Variants in AKAP9 observed in about 807,000 individuals in gnomAD.
AKAP9 encodes A-kinase anchoring protein 9, also known as A-kinase anchor protein 9.
A neutral mutation model predicts 488.5 loss-of-function variants in AKAP9; 311 were observed. That is an observed-to-expected ratio of 0.64 (90% CI 0.58 to 0.70). AKAP9 has a LOEUF of 0.70. Among genes scored for constraint, AKAP9 ranks in the 30% least tolerant of loss-of-function variants. The pLI, the probability that AKAP9 is intolerant of heterozygous loss-of-function variation, is 0.00. For missense variants in AKAP9, 4,215 were observed against 4,374.5 expected (o/e 0.96, Z 1.03); for synonymous variants, 1,462 against 1,483.5 (o/e 0.99, Z 0.33).
In AKAP9 at chr7:92,002,798, G is replaced by C; in HGVS notation, c.2881G>C (p.Asp961His). The change falls in exon 8 of 50, where the codon GAT becomes CAT. Residue 961 changes from aspartate (D) to histidine (H), a missense_variant. Transcript: ENST00000356239. ...EKLELSQRLSDLSEQLKQKHG... is the reference protein window; with the variant it reads ...EKLELSQRLSHLSEQLKQKHG... ...ATTAGAGCTGTCACAGAGACTGTCTGATCTTTCTGAACAATTGAAACAGAA... is the reference window on the plus strand; with the variant it reads ...ATTAGAGCTGTCACAGAGACTGTCTCATCTTTCTGAACAATTGAAACAGAA... The C allele has an allele frequency of 6.2e-7, 1 of 1,613,620 alleles. No homozygotes were observed. Among genetic ancestry groups the C allele is most frequent in the Non-Finnish European group, 8.5e-7 (1 of 1,179,680 alleles).
At chr7:92,082,929 T>A (rs1813839103) in intron 32 of AKAP9, among the ~76,000 whole-genome samples, 1 of 152,204 alleles carries the variant, frequency 6.6e-6, no homozygotes, top group South Asian at 2.1e-4. Flanking sequence ...GAACTGTATA[T>A]CCCATGAGAA....
intron 21 of AKAP9, among the ~76,000 whole-genome samples, chr7:92,049,170 T>C (rs955822733): frequency 6.6e-6 from 1 of 152,126 alleles, no homozygotes; most frequent in Admixed American, 6.5e-5. Flanking sequence ...TTTACTATGT[T>C]TTAAGACATA....
intron 16 of AKAP9, among the ~76,000 whole-genome samples, chr7:92,036,496 C>T (rs905383195): frequency 4.6e-5 from 7 of 151,992 alleles, no homozygotes; most frequent in African/African-American, 1.7e-4. Context: ...TATTATAATT[C>T]ATTGATCATC....
rs1160912346 is a variant in AKAP9 at position 92,014,406 on chromosome 7, T to A, written c.3612+78T>A. On this transcript the variant is annotated intron_variant, in intron 10 of 49. Coordinates refer to ENST00000356239, the MANE Select transcript of AKAP9 (RefSeq NM_005751.5). The stretch of plus-strand genomic sequence containing the variant: ...ATCCCAGCACTTTGGGAGGCTGAGG[T>A]GGTCAGATCACTTGAGTTCGAGACC... 9 of 1,059,490 alleles carry A rather than the reference T, an allele frequency of 8.5e-6. No individual in the cohort carries two copies. In the East Asian group the frequency reaches 2.3e-4, roughly 27 times the overall value. The allele number at this position is 1,059,490 out of a possible 1,614,324, so 65.6% of individuals were successfully genotyped here. A position where few individuals can be genotyped will look rare whatever the true frequency, so the allele number is the denominator to read the frequency against.
Position 92,012,535 on chromosome 7 carries a change from C to T in AKAP9, c.3425C>T (p.Ala1142Val), listed in dbSNP as rs1238092488. 7.4e-6 allele frequency: 12 copies of T among 1,613,900 alleles called. No homozygotes were observed. Among genetic ancestry groups the T allele is most frequent in the Non-Finnish European group, 1.0e-5 (12 of 1,179,868 alleles). ...TATATGGAAAATGAAAAAGATAAAG[C>T]TCTTTGCAGTCTTAAAGAAGAGCTT... ...REYMENEKDK[A>V]LCSLKEELIF... Residue 1142 changes from alanine (A) to valine (V), a missense_variant, in exon 9 of 50, where the codon GCT becomes GTT. Ala to Val is a moderately conservative substitution (Grantham distance 64). Around this residue, in one of 5 missense-constraint regions of AKAP9, gnomAD observed 2,361 missense variants for 2,430.0 expected, o/e 0.97. Transcript: ENST00000356239.
rs1054556530 is a variant in AKAP9, at chr7:92,002,609, G to A, written c.2692G>A (p.Glu898Lys). 6.2e-7 allele frequency: 1 copy of A among 1,611,112 alleles called. No homozygotes were observed. Among genetic ancestry groups the A allele is most frequent in the African/African-American group, 1.3e-5 (1 of 74,756 alleles). Residue 898 changes from glutamate to lysine, a missense_variant, in exon 8 of 50, where the codon GAA becomes AAA. Coordinates refer to ENST00000356239, the MANE Select transcript of AKAP9 (RefSeq NM_005751.5). ...EYKSKLKALN[E>K]ELHLQRINPT... ...TAAAAGTAAACTTAAAGCACTTAAT[G>A]AAGAGCTTCATTTGCAAAGAATAAA...
intron 26 of AKAP9, 73 bp from the exon 27 acceptor site, chr7:92,069,957 G>A (rs956448897): frequency 1.2e-5 from 16 of 1,340,966 alleles, no homozygotes; most frequent in African/African-American, 8.8e-5. Flanking sequence ...CCAAAATGAG[G>A]GATAACTCAA....
intron 12 of AKAP9, among the ~76,000 whole-genome samples, chr7:92,018,754 A>C (rs1408574198): frequency 6.6e-6 from 1 of 152,026 alleles, no homozygotes; most frequent in Non-Finnish European, 1.5e-5. Context: ...AGGGATCTTT[A>C]TTTGATCCTC....
In AKAP9 at chr7:92,085,657, A is replaced by G. The variant is rs886062478; in HGVS notation, c.8995A>G (p.Thr2999Ala). ...AATCTCATCTCTAAAGGATTTAATT[A>G]CAAAGATGCAACTGCAAAGAGAAGC... ...NTISSLKDLI[T>A]KMQLQREAEV... Residue 2999 changes from threonine (T) to alanine (A), a missense_variant, in exon 36 of 50, where the codon ACA (threonine) becomes GCA (alanine). Physicochemically the swap from Thr to Ala is moderately conservative, Grantham distance 58 (BLOSUM62 0). Transcript: ENST00000356239. 2.5e-6 allele frequency: 4 copies of G among 1,613,460 alleles called. No individual in the cohort carries two copies. Among genetic ancestry groups the G allele is most frequent in the Admixed American group, 3.3e-5 (2 of 59,950 alleles).
chr7:92,110,127 A>G lies in AKAP9; in HGVS notation c.11692A>G (p.Thr3898Ala), dbSNP rs749124089. The change falls in exon 50 of 50, where the codon ACT (threonine) becomes GCT (alanine). Residue 3898 changes from threonine to alanine, a missense_variant. Coordinates refer to ENST00000356239, the MANE Select transcript of AKAP9 (RefSeq NM_005751.5). ...TTCCTGTTTTTCTCTCATAGGTTCA[A>G]CTACTCAATTTCATGCTGGCATGAG... ...RRLGTIQSGS[T>A]TQFHAGMRR 1 of 1,601,374 alleles carries G rather than the reference A, an allele frequency of 6.2e-7. No homozygotes were observed. The highest frequency in any genetic ancestry group is 1.1e-5 in the South Asian group (1 of 89,534).
intron 8 of AKAP9, among the ~76,000 whole-genome samples, chr7:92,010,167 A>G (rs1265371966): frequency 6.6e-6 from 1 of 152,234 alleles, no homozygotes; most frequent in Non-Finnish European, 1.5e-5. Context: ...TAGGAAATAG[A>G]CACAAACCTT....
Position 92,002,275 on chromosome 7 carries a change from C to G in AKAP9, c.2358C>G (p.Thr786=), listed in dbSNP as rs777886361. The G allele has an allele frequency of 6.2e-7, 1 of 1,609,424 alleles. No homozygotes were observed. The highest frequency in any genetic ancestry group is 8.5e-7 in the Non-Finnish European group (1 of 1,178,354). Residue 786 remains threonine, a synonymous_variant, in exon 8 of 50, where the codon ACC becomes ACG. Coordinates refer to ENST00000356239, the MANE Select transcript of AKAP9 (RefSeq NM_005751.5). ...ENSILKDEKK[T]LEDMLKIHTP... is the part of the protein sequence containing the mutation. ...GCATTCTTAAAGATGAAAAGAAAAC[C>G]CTTGAAGACATGTTGAAAATACATA...
intron 46 of AKAP9, among the ~76,000 whole-genome samples, chr7:92,104,443 G>A (rs867915538): frequency 7.9e-5 from 12 of 151,938 alleles, no homozygotes; most frequent in Non-Finnish European, 1.0e-4. Flanking sequence ...CGCCCGCCTC[G>A]GCCTCCGAAA....
Position 92,045,116 on chromosome 7 carries a change from A to G in AKAP9, c.5271A>G (p.Leu1757=), listed in dbSNP as rs752178666. The change falls in exon 21 of 50, where the codon CTA becomes CTG. Residue 1757 remains leucine, a synonymous_variant. Transcript: ENST00000356239. ...ETIGRHVLGI[L]DRSSKSQSSA... ...TTGGTCGCCATGTCCTTGGGATTCT[A>G]GATAGATCTAGTAAAAGCCAGTCAT... is the stretch of plus-strand genomic sequence containing the variant. 9 of 1,613,718 alleles carry G rather than the reference A, an allele frequency of 5.6e-6. No homozygotes were observed. Among genetic ancestry groups the G allele is most frequent in the South Asian group, 1.1e-5 (1 of 91,080 alleles).
At chr7:91,988,852 G>T (rs6465342) in intron 3 of AKAP9, among the ~76,000 whole-genome samples, 5,241 of 152,026 alleles carry the variant, frequency 0.034, 264 homozygotes, top group African/African-American at 0.12. Flanking sequence ...CAACATTCAG[G>T]TTTGTTACAT....
At chr7:92,071,171 G>C (rs2130844488) in intron 28 of AKAP9, among the ~76,000 whole-genome samples, 162 bp downstream of exon 28, 1 of 152,272 alleles carries the variant, frequency 6.6e-6, no homozygotes, top group Non-Finnish European at 1.5e-5. Flanking sequence ...GTAAACATAT[G>C]AGTAATTAAG....
At chr7:92,066,605 A>G (rs1810808665) in intron 26 of AKAP9, 59 bp downstream of exon 26, 2 of 1,591,030 alleles carry the variant, frequency 1.3e-6, no homozygotes, top group Non-Finnish European at 1.7e-6. Flanking sequence ...GTAAAATAAG[A>G]TGCATATCAT....
chr7:91,992,485 G>A (rs1350338164), intron 4 of AKAP9, among the ~76,000 whole-genome samples: 1 of 151,926 alleles, frequency 6.6e-6, no homozygotes, highest in Non-Finnish European at 1.5e-5. Flanking sequence ...CCAACAAGGT[G>A]AAACCGCATC....
At chr7:92,101,127 C>T in intron 45 of AKAP9, 71 bp downstream of exon 45, 1 of 1,463,492 alleles carries the variant, frequency 6.8e-7, no homozygotes, top group Non-Finnish European at 9.3e-7. Context: ...TCTCACTGAC[C>T]TTAAATAAAC....
Sources: allele counts gnomAD v4.1 joint callset (sites outside exome capture counted in the v4.1 genomes callset), GRCh38; gene constraint gnomAD v4.1.1; regional missense constraint gnomAD v4.1.1; transcripts MANE v1.5; gene names NCBI Gene and HGNC (gene_info 2026-07-23, HGNC 2026-07-21).